SEC23IP: variants seen among roughly 807,000 people sequenced by gnomAD.
The protein encoded by SEC23IP is SEC23-interacting protein.
A neutral mutation model predicts 113.4 loss-of-function variants in SEC23IP; 70 were observed. That is an observed-to-expected ratio of 0.62 (90% confidence interval 0.51 to 0.75). SEC23IP has a LOEUF of 0.75. Ranked by LOEUF, SEC23IP falls within the 30% of genes least tolerant of loss-of-function variation. SEC23IP has a pLI of 0.00. For missense variants in SEC23IP, 1,160 were observed against 1,204.9 expected, an observed-to-expected ratio of 0.96 and a Z score of 0.55; for synonymous variants, 398 against 421.0, an observed-to-expected ratio of 0.95 and a Z score of 0.67.
intron 14 of SEC23IP, 30 bp from the exon 15 acceptor site, chr10:119,930,299 T>C (rs1317539543): frequency 7.3e-7 from 1 of 1,361,176 alleles, no homozygotes; most frequent in Non-Finnish European, 1.0e-6. Context: ...TAAATTTCTT[T>C]TATTTATTCA....
intron 12 of SEC23IP, among the ~76,000 whole-genome samples, chr10:119,922,582 C>T (rs760314457): frequency 1.3e-5 from 2 of 151,988 alleles, no homozygotes; most frequent in African/African-American, 4.8e-5. Context: ...GAAGTGGAGG[C>T]GGCTGCAATC....
Position 119,919,483 on chromosome 10 carries a change from G to C in SEC23IP, c.1912G>C (p.Asp638His), listed in dbSNP as rs114045527. 3,960 of 1,612,670 alleles carry C rather than the reference G, an allele frequency of 2.5e-3. 76 individuals are homozygous for C. In the African/African-American group the frequency reaches 0.047, roughly 19 times the overall value. Residue 638 changes from aspartate (D) to histidine (H), a missense_variant, in exon 11 of 19, where the codon GAC (aspartate) becomes CAC (histidine). Transcript: ENST00000369075. ...AAAGCTGACTTTGGATGAGTCGTAT[G>C]ACCTTGTTGTTGAAAATAAAGAAGT... ...EPKLTLDESYDLVVENKEVLT... is the reference protein window; with the variant it reads ...EPKLTLDESYHLVVENKEVLT...
intron 3 of SEC23IP, among the ~76,000 whole-genome samples, chr10:119,903,530 A>G (rs961494305): frequency 2.0e-5 from 3 of 152,132 alleles, no homozygotes; most frequent in Non-Finnish European, 4.4e-5. Flanking sequence ...GTATGTAGAT[A>G]TTATTGTTCT....
intron 2 of SEC23IP, among the ~76,000 whole-genome samples, chr10:119,901,923 G>A (rs948926360): frequency 6.6e-6 from 1 of 152,116 alleles, no homozygotes; most frequent in Non-Finnish European, 1.5e-5. Flanking sequence ...CTGACCTTAG[G>A]TGATCCACCC....
At chr10:119,927,110 T>C (rs1353932494) in intron 13 of SEC23IP, among the ~76,000 whole-genome samples, 21 of 152,188 alleles carry the variant, frequency 1.4e-4, no homozygotes, top group Non-Finnish European at 1.5e-5. Context: ...GTTGCTCAGG[T>C]TAGCCTCGAA....
Position 119,915,898 on chromosome 10 carries a change from A to G in SEC23IP, c.1544+9A>G. The G allele has an allele frequency of 1.4e-6, 2 of 1,458,818 alleles. No homozygotes were observed. Among genetic ancestry groups the G allele is most frequent in the South Asian group, 1.6e-5 (1 of 63,430 alleles). The allele number at this position is 1,458,818 out of a possible 1,614,324, so 90.4% of individuals were successfully genotyped here. On this transcript the variant is annotated intron_variant, in intron 8 of 18. Transcript: ENST00000369075. Reference sequence around the variant, plus strand: ...GCCACAGGTGTGGACAGGTTTGTGGATTTTGATAACTTGTTTTTCAGATTA... The same window carrying G: ...GCCACAGGTGTGGACAGGTTTGTGGGTTTTGATAACTTGTTTTTCAGATTA...
chr10:119,906,000 G>A (rs539426785), intron 4 of SEC23IP, among the ~76,000 whole-genome samples: 1 of 152,230 alleles, frequency 6.6e-6, no homozygotes, highest in South Asian at 2.1e-4. Context: ...GCTAGGCTGG[G>A]CGTGGTGGCT....
intron 5 of SEC23IP, among the ~76,000 whole-genome samples, chr10:119,910,531 A>G (rs1854822547): frequency 6.6e-6 from 1 of 152,214 alleles, no homozygotes; most frequent in Non-Finnish European, 1.5e-5. Context: ...CTTATAATCC[A>G]ACTACTTCTA....
At chr10:119,912,543 T>C (rs1854897976) in intron 6 of SEC23IP, among the ~76,000 whole-genome samples, 1 of 152,198 alleles carries the variant, frequency 6.6e-6, no homozygotes, top group Non-Finnish European at 1.5e-5. Flanking sequence ...AATGATGAAA[T>C]TGAAGTAAGT....
chr10:119,912,284 C>T, intron 6 of SEC23IP, 120 bp downstream of exon 6: 1 of 1,023,256 alleles, frequency 9.8e-7, no homozygotes, highest in Non-Finnish European at 1.4e-6. Flanking sequence ...GCCATTGCAC[C>T]ACCACTCCCA....
chr10:119,921,928 G>T (rs1471600473), intron 12 of SEC23IP, among the ~76,000 whole-genome samples: 1 of 151,144 alleles, frequency 6.6e-6, no homozygotes, highest in Non-Finnish European at 1.5e-5. Flanking sequence ...TGACTATAAA[G>T]TCATAGGACT....
chr10:119,933,687 G>T lies in SEC23IP; in HGVS notation c.2923G>T (p.Glu975Ter). 1 of 1,511,336 alleles carries T rather than the reference G, an allele frequency of 6.6e-7. No homozygotes were observed. Among genetic ancestry groups the T allele is most frequent in the Non-Finnish European group, 9.2e-7 (1 of 1,087,784 alleles). The allele number at this position is 1,511,336 out of a possible 1,614,324, so 93.6% of individuals were successfully genotyped here. A position where few individuals can be genotyped will look rare whatever the true frequency, so the allele number is the denominator to read the frequency against. Residue 975 changes from glutamate to a stop codon, truncating the protein, a stop_gained and splice_region_variant, in exon 18 of 19, where the codon GAA (glutamate) becomes TAA (stop). Coordinates refer to ENST00000369075, the MANE Select transcript of SEC23IP (RefSeq NM_007190.4). LOFTEE classifies it high-confidence loss of function. The stretch of plus-strand genomic sequence containing the variant: ...TAAATATGCTTTTCCTTTTCATAGG[G>T]AATCTGAAGATACTGCTCTGTTACT... Reference protein sequence around the residue: ...FALQSHLCYWESEDTALLLLK... With the variant: ...FALQSHLCYW
chr10:119,939,579 G>T (rs1185061600), intron 18 of SEC23IP, among the ~76,000 whole-genome samples: 1 of 152,152 alleles, frequency 6.6e-6, no homozygotes, highest in Non-Finnish European at 1.5e-5. Context: ...GGAGGCTGAG[G>T]CAGGAGAATC....
intron 12 of SEC23IP, among the ~76,000 whole-genome samples, chr10:119,921,724 T>G (rs1464696725): frequency 6.6e-6 from 1 of 152,252 alleles, no homozygotes; most frequent in Admixed American, 6.5e-5. Context: ...GTTTTATTAA[T>G]TTTAATTTAT....
At chr10:119,921,940 AT>A (rs987431743) in intron 12 of SEC23IP, among the ~76,000 whole-genome samples, 5 of 142,562 alleles carry the variant, frequency 3.5e-5, no homozygotes, top group South Asian at 2.3e-4. Flanking sequence ...CATAGGACTG[AT>A]TTTTTTTTTA....
chr10:119,925,171 C>A (rs1194429426), intron 12 of SEC23IP, among the ~76,000 whole-genome samples: 1 of 152,106 alleles, frequency 6.6e-6, no homozygotes, highest in African/African-American at 2.4e-5. Context: ...TTTCTGAGTT[C>A]ATTTCTATGT....
In SEC23IP at chr10:119,943,394, A is replaced by G. The variant is rs1335782046; in HGVS notation, c.*2829A>G. On this transcript the variant is annotated 3_prime_UTR_variant, in exon 19 of 19. Transcript: ENST00000369075. ...GCTAACCTGTCTTCATGACATTTCT[A>G]TAATACTCCTCAGGGGGTTAACCCC... The G allele has an allele frequency of 6.6e-6, 1 of 152,068 alleles. No individual in the cohort carries two copies. The highest frequency in any genetic ancestry group is 1.5e-5 in the Non-Finnish European group (1 of 68,006). 9.4% of individuals were successfully genotyped at this position (152,068 alleles called of 1,614,324 possible). A position where few individuals can be genotyped will look rare whatever the true frequency, so the allele number is the denominator to read the frequency against.
At chr10:119,920,770 A>G in intron 11 of SEC23IP, 119 bp from the exon 12 acceptor site, 1 of 615,788 alleles carries the variant, frequency 1.6e-6, no homozygotes, top group Non-Finnish European at 2.7e-6. Context: ...CTAACTTGTA[A>G]AAAGTTGAGT....
At chr10:119,931,827 C>CTA (rs1855614891) in intron 15 of SEC23IP, among the ~76,000 whole-genome samples, 1 of 151,780 alleles carries the variant, frequency 6.6e-6, no homozygotes, top group Non-Finnish European at 1.5e-5. Context: ...GCTGGGATTA[C>CTA]AGGTGTGAGA....
Sources: allele counts gnomAD v4.1 joint callset (sites outside exome capture counted in the v4.1 genomes callset), GRCh38; gene constraint gnomAD v4.1.1; transcripts MANE v1.5; gene names NCBI Gene and HGNC (gene_info 2026-07-23, HGNC 2026-07-21).